ALMS1: variants seen among roughly 807,000 people sequenced by gnomAD.
ALMS1 encodes centrosome-associated protein ALMS1.
Under a neutral mutation model 352.2 loss-of-function variants are expected in ALMS1, and 271 were observed. The ratio of observed to expected loss-of-function variants is 0.77; its 90% CI spans 0.70 to 0.85. The LOEUF is 0.85. ALMS1 is among the 40% of genes least tolerant of loss of function. The pLI is 0.00. For missense variants in ALMS1, 5,445 were observed against 4,870.7 expected, an observed-to-expected ratio of 1.12 and a Z score of -3.51; for synonymous variants, 1,865 against 1,761.2, an observed-to-expected ratio of 1.06 and a Z score of -1.48.
chr2:73,600,573 A>G (rs762877806), intron 17 of ALMS1, 105 bp from the exon 18 acceptor site: 7 of 1,048,548 alleles, frequency 6.7e-6, no homozygotes, highest in Admixed American at 2.5e-5. Flanking sequence ...ACACAAAGGG[A>G]TTGTATTTTT....
chr2:73,388,345 G>A (rs143960576), intron 1 of ALMS1, among the ~76,000 whole-genome samples: 1 of 152,156 alleles, frequency 6.6e-6, no homozygotes, highest in African/African-American at 2.4e-5. Flanking sequence ...TAATGGTGAG[G>A]TTTGGGCTTC....
intron 9 of ALMS1, among the ~76,000 whole-genome samples, chr2:73,478,655 C>CGTTT (rs1384279679): frequency 8.7e-6 from 1 of 114,752 alleles, no homozygotes; most frequent in African/African-American, 2.7e-5. Flanking sequence ...GTAATTTATT[C>CGTTT]GTTTATTTAT....
intron 9 of ALMS1, among the ~76,000 whole-genome samples, chr2:73,474,449 T>A (rs941567864): frequency 6.7e-6 from 1 of 150,344 alleles, no homozygotes; most frequent in Non-Finnish European, 1.5e-5. Context: ...ACTTATTTCT[T>A]TTTTGGTTTG....
At chr2:73,469,008 C>A (rs1317061440) in intron 9 of ALMS1, among the ~76,000 whole-genome samples, 1 of 151,740 alleles carries the variant, frequency 6.6e-6, no homozygotes, top group Non-Finnish European at 1.5e-5. Flanking sequence ...CTGTTGAGAT[C>A]ATTTTGGCCC....
At position 73,385,929 on chromosome 2, in the gene ALMS1, G is replaced by T. The variant is rs1438410766; in HGVS notation, c.61G>T (p.Glu21Ter). ...ELEEEEEEEE[E>*]EEEEEEEAAA... Reference sequence around the variant, plus strand: ...GGAGGAGGAGGAGGAGGAGGAGGAGGAGGAGGAGGAGGAAGAGGAGGAGGC... The same window carrying T: ...GGAGGAGGAGGAGGAGGAGGAGGAGTAGGAGGAGGAGGAAGAGGAGGAGGC... The change falls in exon 1 of 23, where the codon GAG becomes TAG. Residue 21 changes from glutamate (E) to a stop codon, truncating the protein, a stop_gained. Transcript: ENST00000613296. LOFTEE classifies it high-confidence loss of function. 6.6e-6 allele frequency: 7 copies of T among 1,060,726 alleles called. No homozygotes were observed. Among genetic ancestry groups the T allele is most frequent in the Non-Finnish European group, 7.1e-6 (5 of 704,954 alleles). The allele number at this position is 1,060,726 out of a possible 1,614,324, so 65.7% of individuals were successfully genotyped here.
At chr2:73,473,995 A>G (rs1489092451) in intron 9 of ALMS1, among the ~76,000 whole-genome samples, 5 of 151,974 alleles carry the variant, frequency 3.3e-5, no homozygotes, top group Non-Finnish European at 5.9e-5. Flanking sequence ...AAACTTCCCT[A>G]ATTTGTTGAA....
chr2:73,533,550 C>G (rs1275948724), intron 11 of ALMS1, among the ~76,000 whole-genome samples: 1 of 152,100 alleles, frequency 6.6e-6, no homozygotes, highest in Non-Finnish European at 1.5e-5. Flanking sequence ...TTCACACATT[C>G]TTGCACTCTT....
intron 10 of ALMS1, among the ~76,000 whole-genome samples, chr2:73,494,944 T>G (rs912591184): frequency 1.6e-4 from 25 of 152,196 alleles, no homozygotes; most frequent in African/African-American, 6.0e-4. Context: ...CTCTGGTGTT[T>G]TAATTTTTTT....
chr2:73,601,813 G>A (rs375239499), intron 19 of ALMS1, among the ~76,000 whole-genome samples: 1 of 152,224 alleles, frequency 6.6e-6, no homozygotes, highest in African/African-American at 2.4e-5. Context: ...CGGATTTAAA[G>A]GAAACCAGGT....
chr2:73,434,712 ATT>A (rs1671573543), intron 7 of ALMS1, among the ~76,000 whole-genome samples: 1 of 151,916 alleles, frequency 6.6e-6, no homozygotes, highest in Non-Finnish European at 1.5e-5. Context: ...TTAATTGTCT[ATT>A]TCTCCCCTTT....
At chr2:73,522,371 G>T (rs2103967633) in intron 11 of ALMS1, among the ~76,000 whole-genome samples, 1 of 151,984 alleles carries the variant, frequency 6.6e-6, no homozygotes, top group South Asian at 2.1e-4. Flanking sequence ...CGACCAAATA[G>T]AATTGGAGGC....
chr2:73,525,423 A>G (rs1673770507), intron 11 of ALMS1, among the ~76,000 whole-genome samples: 1 of 152,166 alleles, frequency 6.6e-6, no homozygotes, highest in Non-Finnish European at 1.5e-5. Context: ...TTTTCTCCAC[A>G]TTCTTGCCAA....
chr2:73,423,325 G>A lies in ALMS1; in HGVS notation c.764+351G>A, dbSNP rs186282032. Among the ~76,000 whole-genome samples, 564 of 152,180 alleles carry A rather than the reference G, an allele frequency of 3.7e-3. 2 individuals are homozygous for A. Among genetic ancestry groups the A allele is most frequent in the African/African-American group, 0.013 (540 of 41,502 alleles). On this transcript the variant is annotated intron_variant, in intron 4 of 22. Coordinates refer to ENST00000613296, the MANE Select transcript of ALMS1 (RefSeq NM_001378454.1). ...CCCTCTCACCCTTATTCTGCAAAAA[G>A]CATTTATTTCTTGTTCACTAACTTG... is the stretch of plus-strand genomic sequence containing the variant.
intron 16 of ALMS1, among the ~76,000 whole-genome samples, chr2:73,589,489 C>T (rs1198350279): frequency 6.6e-6 from 1 of 152,128 alleles, no homozygotes; most frequent in African/African-American, 2.4e-5. Flanking sequence ...ATATGCCATC[C>T]TCATTTCTGT....
At chr2:73,567,993 G>C (rs1674837650) in intron 15 of ALMS1, among the ~76,000 whole-genome samples, 1 of 152,008 alleles carries the variant, frequency 6.6e-6, no homozygotes, top group African/African-American at 2.4e-5. Flanking sequence ...GAGAAAAGGG[G>C]CTAATTTTCT....
At chr2:73,466,898 G>A (rs938482246) in intron 9 of ALMS1, among the ~76,000 whole-genome samples, 5 of 151,998 alleles carry the variant, frequency 3.3e-5, no homozygotes, top group Admixed American at 1.3e-4. Context: ...TTTTTTCCAA[G>A]TTTCTTAAGT....
intron 13 of ALMS1, among the ~76,000 whole-genome samples, chr2:73,552,564 A>G (rs1276012865): frequency 6.6e-6 from 1 of 152,208 alleles, no homozygotes; most frequent in Non-Finnish European, 1.5e-5. Flanking sequence ...TTTGGTAAGG[A>G]TGATACATTT....
At chr2:73,603,878 G>T (rs891213255) in intron 21 of ALMS1, 1 of 153,408 alleles carries the variant, frequency 6.5e-6, no homozygotes, top group African/African-American at 2.4e-5. Context: ...TAAAAAAAAA[G>T]ATTATTTTGA....
Position 73,448,266 on chromosome 2 carries a change from A to G in ALMS1, c.1739A>G (p.Lys580Arg). 6.2e-7 allele frequency: 1 copy of G among 1,614,042 alleles called. No individual in the cohort carries two copies. Residue 580 changes from lysine (K) to arginine (R), a missense_variant, in exon 8 of 23, where the codon AAG becomes AGG. By Grantham distance (26) the Lys-to-Arg change is conservative. Coordinates refer to ENST00000613296, the MANE Select transcript of ALMS1 (RefSeq NM_001378454.1). ...VLSSSHSHRG[K>R]PSIFYQQGLP... ...TCTAGTTCCCACTCACATAGGGGGA[A>G]GCCCAGCATTTTCTACCAGCAGGGC...
Sources: allele counts gnomAD v4.1 joint callset (sites outside exome capture counted in the v4.1 genomes callset), GRCh38; gene constraint gnomAD v4.1.1; transcripts MANE v1.5; gene names NCBI Gene and HGNC (gene_info 2026-07-23, HGNC 2026-07-21).